Variants in GNAQ observed in about 807,000 individuals in gnomAD.
The protein encoded by GNAQ is G protein subunit alpha q, also known as guanine nucleotide-binding protein G(q) subunit alpha.
GNAQ carries 8 observed loss-of-function variants against 43.9 expected under a neutral mutation model. The observed-to-expected ratio is 0.18, with a 90% confidence interval of 0.11 to 0.33. GNAQ has a LOEUF of 0.33. GNAQ is among the 10% of genes least tolerant of loss of function. The pLI is 1.00. For synonymous variants in GNAQ, 155 were observed against 170.7 expected, an observed-to-expected ratio of 0.91 and a Z score of 0.71; for missense variants, 158 against 450.8, an observed-to-expected ratio of 0.35 and a Z score of 5.88.
At chr9:77,798,674 T>C (rs997593435) in intron 3 of GNAQ, among the ~76,000 whole-genome samples, 1 of 152,186 alleles carries the variant, frequency 6.6e-6, no homozygotes, top group Non-Finnish European at 1.5e-5. Flanking sequence ...CATAGTCCTC[T>C]CCTATAGTTT....
intron 1 of GNAQ, among the ~76,000 whole-genome samples, chr9:78,023,233 AAAG>A: frequency 6.6e-6 from 1 of 152,332 alleles, no homozygotes; most frequent in Admixed American, 6.5e-5. Context: ...AAGTATTGCA[AAAG>A]AAAGTTAATC....
intron 1 of GNAQ, among the ~76,000 whole-genome samples, chr9:77,937,542 G>C (rs912111524): frequency 6.6e-6 from 1 of 152,038 alleles, no homozygotes; most frequent in Admixed American, 6.6e-5. Context: ...TTTCCATTTG[G>C]GTAATGAGAC....
rs1828943293 is a variant in GNAQ, at chr9:77,918,216, A to G, written c.321+3945T>C. ...GGCCATGTTTTGCTTTATAAAATAC[A>G]GGAGCTCAAAAGCAAGTACAAAGTT... On this transcript the variant is annotated intron_variant, in intron 2 of 6. Transcript: ENST00000286548. Among the ~76,000 whole-genome samples, 4 of 152,346 alleles carry G rather than the reference A, an allele frequency of 2.6e-5. No individual in the cohort carries two copies. In the South Asian group the frequency reaches 8.3e-4, roughly 32 times the overall value.
chr9:77,862,258 AC>A (rs1261399246), intron 2 of GNAQ, among the ~76,000 whole-genome samples: 1 of 150,620 alleles, frequency 6.6e-6, no homozygotes, highest in Non-Finnish European at 1.5e-5. Context: ...CCCAGGAGGG[AC>A]TCTGTGTGGG....
At chr9:77,956,660 G>A (rs920050582) in intron 1 of GNAQ, among the ~76,000 whole-genome samples, 1 of 152,150 alleles carries the variant, frequency 6.6e-6, no homozygotes, top group African/African-American at 2.4e-5. Context: ...AGGGGGAGGA[G>A]GGAAAATAAC....
chr9:78,024,221 G>C (rs190610592), intron 1 of GNAQ, among the ~76,000 whole-genome samples: 1 of 152,132 alleles, frequency 6.6e-6, no homozygotes, highest in Admixed American at 6.6e-5. Context: ...GAGAACAAAT[G>C]AGAGGAAGGC....
intron 2 of GNAQ, among the ~76,000 whole-genome samples, chr9:77,913,910 T>C (rs1269623070): frequency 6.6e-6 from 1 of 152,074 alleles, no homozygotes; most frequent in Non-Finnish European, 1.5e-5. Context: ...ATTTTTATTA[T>C]CGAAAAAGAA....
At chr9:77,883,545 T>G (rs1240331433) in intron 2 of GNAQ, among the ~76,000 whole-genome samples, 1 of 151,676 alleles carries the variant, frequency 6.6e-6, no homozygotes, top group Non-Finnish European at 1.5e-5. Context: ...TGTTTTTACA[T>G]GGGTATATGG....
chr9:77,788,184 A>C (rs192293986), intron 5 of GNAQ, among the ~76,000 whole-genome samples: 84 of 152,342 alleles, frequency 5.5e-4, no homozygotes, highest in South Asian at 1.9e-3. Flanking sequence ...CAAAAACAAA[A>C]AGAAAACTCC....
chr9:77,853,329 G>A (rs1827700410), intron 2 of GNAQ, among the ~76,000 whole-genome samples: 2 of 152,100 alleles, frequency 1.3e-5, no homozygotes, highest in South Asian at 4.1e-4. Flanking sequence ...TTATCTCAAA[G>A]GGATGTTACA....
intron 1 of GNAQ, among the ~76,000 whole-genome samples, chr9:77,944,309 C>T (rs1033641959): frequency 2.6e-5 from 4 of 151,334 alleles, no homozygotes; most frequent in Non-Finnish European, 5.9e-5. Context: ...ACAAATCTTC[C>T]GCCATACCAG....
rs1296847882 is a variant in GNAQ, at chr9:77,949,048, C to T, written c.137-26703G>A. Among the ~76,000 whole-genome samples the T allele has an allele frequency of 3.3e-5, 5 of 152,308 alleles. No homozygotes were observed. The East Asian group carries it at 9.7e-4, about 29-fold the overall frequency. ...GGCCTGTGTTCAATCAATTCCCTTG[C>T]ATTTACTGAAGCAGCCACCTTCTTA... On this transcript the variant is annotated intron_variant, in intron 1 of 6. Transcript: ENST00000286548.
chr9:77,877,943 T>A (rs138064357), intron 2 of GNAQ, among the ~76,000 whole-genome samples: 51 of 152,262 alleles, frequency 3.3e-4, no homozygotes, highest in Middle Eastern at 3.4e-3. Flanking sequence ...ACTTAATGTC[T>A]AGCCCTCTTC....
At chr9:77,886,634 G>C (rs955169166) in intron 2 of GNAQ, among the ~76,000 whole-genome samples, 2 of 152,112 alleles carry the variant, frequency 1.3e-5, no homozygotes, top group Non-Finnish European at 2.9e-5. Flanking sequence ...CAAGACAAAT[G>C]AAAGAGTAAA....
At chr9:77,740,715 A>C (rs1825640166) in intron 5 of GNAQ, among the ~76,000 whole-genome samples, 1 of 152,080 alleles carries the variant, frequency 6.6e-6, no homozygotes, top group Non-Finnish European at 1.5e-5. Flanking sequence ...ACAGGATGAA[A>C]TTTTTTAGAC....
At chr9:78,030,579 T>C (rs566086936) in intron 1 of GNAQ, 154 of 469,266 alleles carry the variant, frequency 3.3e-4, no homozygotes, top group African/African-American at 2.3e-3. Context: ...CCTGACCCCA[T>C]AGGGCACTGA....
intron 1 of GNAQ, among the ~76,000 whole-genome samples, chr9:78,014,788 C>T (rs1017433228): frequency 2.0e-5 from 3 of 152,056 alleles, no homozygotes; most frequent in South Asian, 2.1e-4. Context: ...TAATTCTCAT[C>T]GACGTTTTTT....
At chr9:77,729,309 T>G (rs1476754112) in intron 5 of GNAQ, among the ~76,000 whole-genome samples, 1 of 152,180 alleles carries the variant, frequency 6.6e-6, no homozygotes, top group African/African-American at 2.4e-5. Context: ...AAGACACACA[T>G]AGTAATTATG....
intron 2 of GNAQ, among the ~76,000 whole-genome samples, chr9:77,818,616 T>C (rs1827058673): frequency 6.6e-6 from 1 of 151,988 alleles, no homozygotes. Context: ...AAAAAGACAA[T>C]GATGAAAAGG....
Sources: allele counts gnomAD v4.1 joint callset (sites outside exome capture counted in the v4.1 genomes callset), GRCh38; gene constraint gnomAD v4.1.1; transcripts MANE v1.5; gene names NCBI Gene and HGNC (gene_info 2026-07-23, HGNC 2026-07-21).